Variants in FOXN3 observed in about 807,000 individuals in gnomAD.
The protein encoded by FOXN3 is forkhead box N3.
Under a neutral mutation model 38.4 loss-of-function variants are expected in FOXN3, and 7 were observed. That is an observed-to-expected ratio of 0.18 (90% CI 0.10 to 0.34). FOXN3 has a LOEUF of 0.34. Among genes scored for constraint, FOXN3 ranks in the 10% least tolerant of loss-of-function variants. FOXN3 has a pLI of 1.00. For synonymous variants in FOXN3, 230 were observed against 242.2 expected (o/e 0.95, Z 0.47); for missense variants, 456 against 613.4 (o/e 0.74, Z 2.71).
intron 1 of FOXN3, among the ~76,000 whole-genome samples, chr14:89,478,931 C>CAAAAAA (rs59945805): frequency 0.016 from 877 of 54,172 alleles, 85 homozygotes; most frequent in African/African-American, 0.051. Context: ...GACTCCATCT[C>CAAAAAA]AAAAAAAAAA....
At chr14:89,177,483 A>G (rs1385489254) in intron 5 of FOXN3, among the ~76,000 whole-genome samples, 1 of 150,932 alleles carries the variant, frequency 6.6e-6, no homozygotes, top group African/African-American at 2.4e-5. Context: ...AAGCTGTGCC[A>G]TTACAAAGCT....
chr14:89,487,197 T>A (rs1893464353), intron 1 of FOXN3, among the ~76,000 whole-genome samples: 1 of 152,234 alleles, frequency 6.6e-6, no homozygotes, highest in African/African-American at 2.4e-5. Context: ...CAGGCCATGG[T>A]TAACCAATAA....
chr14:89,512,470 T>C (rs551270095), intron 1 of FOXN3, among the ~76,000 whole-genome samples: 50 of 152,096 alleles, frequency 3.3e-4, no homozygotes, highest in African/African-American at 9.9e-4. Context: ...GGGCAGAAAA[T>C]TGTGGGAAAG....
intron 1 of FOXN3, among the ~76,000 whole-genome samples, chr14:89,610,423 C>T (rs1031683025): frequency 1.1e-4 from 17 of 152,210 alleles, no homozygotes; most frequent in African/African-American, 4.1e-4. Flanking sequence ...TGAGCTCCAC[C>T]GCCCACAATG....
At chr14:89,305,350 T>C (rs1417224510) in intron 3 of FOXN3, among the ~76,000 whole-genome samples, 1 of 152,220 alleles carries the variant, frequency 6.6e-6, no homozygotes, top group African/African-American at 2.4e-5. Flanking sequence ...AAAGGACGCC[T>C]CTATGACATC....
chr14:89,552,490 T>G lies in FOXN3; in HGVS notation c.-15+66538A>C, dbSNP rs1401410094. Among the ~76,000 whole-genome samples the G allele has an allele frequency of 2.6e-5, 4 of 152,226 alleles. No individual in the cohort carries two copies. In the East Asian group the frequency reaches 7.7e-4, roughly 29 times the overall value. On this transcript the variant is annotated intron_variant, in intron 1 of 6. Transcript: ENST00000345097. ...TGAGGTTTTTACTCTAAATTGTCTATGTACACAATAAAACAAACTCCTTGC... is the reference window on the plus strand; with the variant it reads ...TGAGGTTTTTACTCTAAATTGTCTAGGTACACAATAAAACAAACTCCTTGC...
intron 3 of FOXN3, among the ~76,000 whole-genome samples, chr14:89,308,005 C>T (rs958942823): frequency 2.0e-5 from 3 of 152,192 alleles, no homozygotes; most frequent in Admixed American, 2.0e-4. Flanking sequence ...TGGCTCACAC[C>T]TGTAATCCCA....
chr14:89,289,033 T>C (rs1353903610), intron 3 of FOXN3, among the ~76,000 whole-genome samples: 1 of 150,056 alleles, frequency 6.7e-6, no homozygotes, highest in Non-Finnish European at 1.5e-5. Context: ...AATACAAAAA[T>C]TTGTTGGGCA....
chr14:89,431,092 C>T (rs960391338), intron 1 of FOXN3, among the ~76,000 whole-genome samples: 2 of 152,194 alleles, frequency 1.3e-5, no homozygotes, highest in Admixed American at 1.3e-4. Flanking sequence ...AGCAATCTTT[C>T]TTTTTTAAGT....
chr14:89,546,701 C>T (rs895458567), intron 1 of FOXN3, among the ~76,000 whole-genome samples: 1 of 152,108 alleles, frequency 6.6e-6, no homozygotes, highest in Admixed American at 6.6e-5. Flanking sequence ...AACCTTTGCC[C>T]TTTTCACATA....
intron 1 of FOXN3, chr14:89,576,967 T>C (rs188288228): frequency 6.6e-6 from 1 of 152,336 alleles, no homozygotes; most frequent in East Asian, 1.9e-4. Flanking sequence ...TATAGTAGAA[T>C]CAGAGAAAAT....
intron 1 of FOXN3, among the ~76,000 whole-genome samples, chr14:89,455,792 T>C (rs903527127): frequency 6.6e-6 from 1 of 152,212 alleles, no homozygotes; most frequent in Non-Finnish European, 1.5e-5. Context: ...AACTCCGAAA[T>C]GGCCCATTCT....
intron 3 of FOXN3, among the ~76,000 whole-genome samples, chr14:89,305,280 A>G (rs1171877833): frequency 6.6e-6 from 1 of 152,170 alleles, no homozygotes; most frequent in African/African-American, 2.4e-5. Context: ...GGAGCTTCAC[A>G]TATGTTTCAG....
At chr14:89,165,309 C>T (rs1887211869) in intron 5 of FOXN3, among the ~76,000 whole-genome samples, 1 of 152,206 alleles carries the variant, frequency 6.6e-6, no homozygotes, top group African/African-American at 2.4e-5. Flanking sequence ...CCTCATCTAC[C>T]TTGTGGGGCT....
intron 3 of FOXN3, among the ~76,000 whole-genome samples, chr14:89,320,050 A>T (rs1256542127): frequency 2.0e-5 from 3 of 152,208 alleles, no homozygotes; most frequent in African/African-American, 7.2e-5. Context: ...AATTAACTGA[A>T]ACCTAACTAG....
At chr14:89,377,729 G>A (rs1890525881) in intron 2 of FOXN3, among the ~76,000 whole-genome samples, 1 of 152,230 alleles carries the variant, frequency 6.6e-6, no homozygotes, top group South Asian at 2.1e-4. Flanking sequence ...CTCCACAGGT[G>A]TTACAAAATG....
At chr14:89,495,400 A>G (rs567625136) in intron 1 of FOXN3, among the ~76,000 whole-genome samples, 4 of 152,318 alleles carry the variant, frequency 2.6e-5, no homozygotes, top group Non-Finnish European at 5.9e-5. Context: ...TTGGCTATTT[A>G]CTATGATAAT....
intron 1 of FOXN3, among the ~76,000 whole-genome samples, chr14:89,612,348 G>A (rs962919880): frequency 6.6e-6 from 1 of 152,100 alleles, no homozygotes; most frequent in African/African-American, 2.4e-5. Context: ...AGTGTCAAGA[G>A]GCCATTCTAA....
intron 4 of FOXN3, among the ~76,000 whole-genome samples, chr14:89,182,731 A>G (rs1243208515): frequency 6.6e-6 from 1 of 152,202 alleles, no homozygotes; most frequent in African/African-American, 2.4e-5. Context: ...AAGATTTCCT[A>G]TAAAGTTACA....
Sources: gnomAD v4.1 joint callset for allele counts (sites outside exome capture counted in the v4.1 genomes callset) on GRCh38, gnomAD v4.1.1 for gene constraint, MANE v1.5 for transcripts, NCBI Gene and HGNC (gene_info 2026-07-23, HGNC 2026-07-21) for gene names.